Variants in CDH13 observed in about 807,000 individuals in gnomAD.
CDH13 encodes the protein cadherin 13.
CDH13 carries 24 observed loss-of-function variants against 63.8 expected under a neutral mutation model. The ratio of observed to expected loss-of-function variants is 0.38; its 90% CI spans 0.27 to 0.53. The LOEUF is 0.53. Ranked by LOEUF, CDH13 falls within the 20% of genes least tolerant of loss-of-function variation. CDH13 has a pLI of 0.85. For synonymous variants in CDH13, 503 were observed against 355.3 expected (o/e 1.42, Z -4.67); for missense variants, 1,049 against 903.1 (o/e 1.16, Z -2.07).
intron 2 of CDH13, among the ~76,000 whole-genome samples, chr16:83,004,832 C>G (rs1021399281): frequency 1.3e-5 from 2 of 152,206 alleles, no homozygotes; most frequent in Non-Finnish European, 2.9e-5. Flanking sequence ...GGATTATCAT[C>G]TCACATTATG....
In CDH13 at chr16:82,864,718, G is replaced by A. The variant is rs114357875; in HGVS notation, c.157+6245G>A. On this transcript the variant is annotated intron_variant, in intron 2 of 13. Transcript: ENST00000567109. ...ACACAGAGCCAGACCATGTTATTCCGCCCCTGGTTCCTCCCAAATCTCATG... is the reference window on the plus strand; with the variant it reads ...ACACAGAGCCAGACCATGTTATTCCACCCCTGGTTCCTCCCAAATCTCATG... Among the ~76,000 whole-genome samples, 1,319 of 152,200 alleles carry A rather than the reference G, an allele frequency of 8.7e-3. 26 individuals are homozygous for A. The highest frequency in any genetic ancestry group is 0.031 in the African/African-American group (1,270 of 41,518).
intron 3 of CDH13, among the ~76,000 whole-genome samples, chr16:83,090,648 G>C (rs1161667499): frequency 6.6e-6 from 1 of 151,702 alleles, no homozygotes; most frequent in Non-Finnish European, 1.5e-5. Flanking sequence ...TCCTAGCCCA[G>C]GCTCTGCACT....
rs148108198 is a variant in CDH13, at chr16:82,721,534, G to T, written c.45+94397G>T. On this transcript the variant is annotated intron_variant, in intron 1 of 13. Coordinates refer to ENST00000567109, the MANE Select transcript of CDH13 (RefSeq NM_001257.5). ...GCTAGAGTGGAACACTGCTCACGTA[G>T]GCAGGAAGAAAGGTACTCCAGGTAG... 2.0e-3 allele frequency among the ~76,000 whole-genome samples: 304 copies of T among 152,262 alleles called. 2 individuals are homozygous for T. The highest frequency in any genetic ancestry group is 7.1e-3 in the African/African-American group (297 of 41,556).
chr16:82,672,124 C>T (rs1403053700), intron 1 of CDH13, among the ~76,000 whole-genome samples: 1 of 152,204 alleles, frequency 6.6e-6, no homozygotes. Context: ...ATTTCAAATT[C>T]TAACTCAGTA....
intron 2 of CDH13, among the ~76,000 whole-genome samples, chr16:82,905,967 A>G (rs2041632539): frequency 6.6e-6 from 1 of 152,144 alleles, no homozygotes; most frequent in Non-Finnish European, 1.5e-5. Context: ...TTTAAATAGG[A>G]TATACTCTGA....
intron 1 of CDH13, among the ~76,000 whole-genome samples, chr16:82,683,483 C>G (rs1349185312): frequency 6.6e-6 from 1 of 152,198 alleles, no homozygotes; most frequent in Non-Finnish European, 1.5e-5. Context: ...TGAGAGACTG[C>G]ATTCAGACCA....
rs116236086 is a variant in CDH13 at position 83,262,867 on chromosome 16, A to G, written c.636+45370A>G. On this transcript the variant is annotated intron_variant, in intron 5 of 13. Transcript: ENST00000567109. ...TTTATGTTGCCTATTTGGACCACCAATTGAGTAAGAATTTGGCTAATTAGT... is the reference window on the plus strand; with the variant it reads ...TTTATGTTGCCTATTTGGACCACCAGTTGAGTAAGAATTTGGCTAATTAGT... 1.5e-3 allele frequency among the ~76,000 whole-genome samples: 226 copies of G among 152,340 alleles called. 2 individuals are homozygous for G. The highest frequency in any genetic ancestry group is 5.1e-3 in the African/African-American group (211 of 41,576).
At chr16:83,019,216 A>G (rs1038781706) in intron 2 of CDH13, among the ~76,000 whole-genome samples, 2 of 152,284 alleles carry the variant, frequency 1.3e-5, no homozygotes, top group East Asian at 1.9e-4. Flanking sequence ...TTTTCTTTAT[A>G]TCCTTATTTT....
chr16:83,451,132 T>A (rs908765123), intron 6 of CDH13, among the ~76,000 whole-genome samples: 1 of 152,122 alleles, frequency 6.6e-6, no homozygotes, highest in Admixed American at 6.5e-5. Context: ...CAAAGGAGAA[T>A]CATTTGTCTT....
intron 6 of CDH13, among the ~76,000 whole-genome samples, chr16:83,468,569 C>T (rs903527857): frequency 6.6e-6 from 1 of 152,050 alleles, no homozygotes; most frequent in African/African-American, 2.4e-5. Context: ...TAGCAGAACA[C>T]AGAACTGAGG....
chr16:82,818,972 A>G (rs1348160628), intron 1 of CDH13, among the ~76,000 whole-genome samples: 3 of 152,198 alleles, frequency 2.0e-5, no homozygotes, highest in African/African-American at 4.8e-5. Context: ...GTAATCATAA[A>G]CTGTGGCTTT....
chr16:83,074,596 T>C (rs1597279074), intron 3 of CDH13, among the ~76,000 whole-genome samples: 2 of 152,222 alleles, frequency 1.3e-5, no homozygotes, highest in African/African-American at 2.4e-5. Context: ...ATAATGGCTA[T>C]ACTAATTTAC....
At chr16:82,899,116 G>C (rs1320693951) in intron 2 of CDH13, among the ~76,000 whole-genome samples, 5 of 152,230 alleles carry the variant, frequency 3.3e-5, no homozygotes, top group African/African-American at 4.8e-5. Context: ...TAGAGAAATA[G>C]AGGGCACAGT....
chr16:83,716,114 T>G (rs985601678), intron 10 of CDH13, among the ~76,000 whole-genome samples: 1 of 152,162 alleles, frequency 6.6e-6, no homozygotes, highest in Non-Finnish European at 1.5e-5. Flanking sequence ...TAGACTTTGT[T>G]TTTTAGAGCA....
At chr16:83,005,797 C>G (rs1249516350) in intron 2 of CDH13, among the ~76,000 whole-genome samples, 2 of 152,162 alleles carry the variant, frequency 1.3e-5, no homozygotes, top group African/African-American at 2.4e-5. Flanking sequence ...TTATGGTGAG[C>G]TCAGTTATTT....
chr16:83,554,686 C>T (rs974870254), intron 7 of CDH13, among the ~76,000 whole-genome samples: 4 of 152,028 alleles, frequency 2.6e-5, no homozygotes, highest in South Asian at 2.1e-4. Context: ...CACACACACA[C>T]GCACACACAC....
At chr16:83,723,042 A>G (rs777858450) in intron 10 of CDH13, among the ~76,000 whole-genome samples, 2 of 152,204 alleles carry the variant, frequency 1.3e-5, no homozygotes, top group African/African-American at 2.4e-5. Flanking sequence ...AAGGGAGTAC[A>G]TGGTGCATTT....
At chr16:82,686,819 T>C (rs953031581) in intron 1 of CDH13, among the ~76,000 whole-genome samples, 1 of 152,162 alleles carries the variant, frequency 6.6e-6, no homozygotes, top group African/African-American at 2.4e-5. Context: ...TCAATACCCA[T>C]GGCCATAACA....
At chr16:82,751,930 A>G (rs1199915973) in intron 1 of CDH13, among the ~76,000 whole-genome samples, 1 of 152,170 alleles carries the variant, frequency 6.6e-6, no homozygotes, top group African/African-American at 2.4e-5. Context: ...CCCATACTTA[A>G]CTGACGAATT....
Sources: gnomAD v4.1 joint callset for allele counts (sites outside exome capture counted in the v4.1 genomes callset) on GRCh38, gnomAD v4.1.1 for gene constraint, MANE v1.5 for transcripts, NCBI Gene and HGNC (gene_info 2026-07-23, HGNC 2026-07-21) for gene names.